The following PALD1 variants were observed in gnomAD, a reference collection of about 807,000 sequenced individuals.
The protein encoded by PALD1 is paladin.
PALD1 carries 57 observed loss-of-function variants against 96.0 expected under a neutral mutation model. The ratio of observed to expected loss-of-function variants is 0.59; its 90% CI spans 0.48 to 0.74. The LOEUF (loss-of-function observed/expected upper bound fraction) is 0.74. PALD1 is among the 30% of genes least tolerant of loss of function. The pLI, the probability that PALD1 is intolerant of heterozygous loss-of-function variation, is 0.00. For missense variants in PALD1, 1,063 were observed against 1,143.7 expected, an observed-to-expected ratio of 0.93 and a Z score of 1.02; for synonymous variants, 464 against 473.6, an observed-to-expected ratio of 0.98 and a Z score of 0.26.
intron 1 of PALD1, among the ~76,000 whole-genome samples, chr10:70,524,653 A>C (rs111654933): frequency 7.8e-4 from 119 of 152,326 alleles, no homozygotes; most frequent in African/African-American, 2.7e-3. Flanking sequence ...TTCGTGAGTT[A>C]AGGTGGGGCT....
intron 1 of PALD1, among the ~76,000 whole-genome samples, chr10:70,490,222 CCTCT>C (rs370799282): frequency 8.7e-5 from 13 of 150,070 alleles, no homozygotes; most frequent in African/African-American, 2.9e-4. Flanking sequence ...CACGCCTGGC[CCTCT>C]CTCTCTCTCT....
chr10:70,469,328 C>G, the PALD1 span, among the ~76,000 whole-genome samples: 1 of 152,260 alleles, frequency 6.6e-6, no homozygotes, highest in African/African-American at 2.4e-5. Flanking sequence ...GGGAGTCTGT[C>G]GTGTAACCCC....
chr10:70,466,866 C>T, the PALD1 span, among the ~76,000 whole-genome samples: 3 of 152,152 alleles, frequency 2.0e-5, no homozygotes, highest in Non-Finnish European at 2.9e-5. Context: ...GCCAGGGCTC[C>T]GAGAGTCCCC....
chr10:70,538,979 A>C lies in PALD1; in HGVS notation c.1540A>C (p.Ile514Leu). The C allele has an allele frequency of 1.2e-6, 2 of 1,613,780 alleles. No homozygotes were observed. Among genetic ancestry groups the C allele is most frequent in the Non-Finnish European group, 1.7e-6 (2 of 1,179,916 alleles). The stretch of plus-strand genomic sequence containing the variant: ...CTTCCGGCGGGTGCCCCGCATGCCC[A>C]TCTACGGCACGGCCCAGCCCAGCGC... ...ANFRRVPRMP[I>L]YGTAQPSAKA... is the part of the protein sequence containing the mutation. Residue 514 changes from isoleucine (I) to leucine (L), a missense_variant, in exon 13 of 20, where the codon ATC becomes CTC. Ile to Leu is a conservative substitution (Grantham distance 5, BLOSUM62 2). Coordinates refer to ENST00000263563, the MANE Select transcript of PALD1 (RefSeq NM_014431.3).
rs1314681888 is a variant in PALD1 at position 70,537,923 on chromosome 10, G to A, written c.1323+17G>A. On this transcript the variant is annotated intron_variant, in intron 11 of 19. Coordinates refer to ENST00000263563, the MANE Select transcript of PALD1 (RefSeq NM_014431.3). ...CATGAGCAGGTGGGGCCTGGGAGGA[G>A]CAGACCCACGTCCCCTCCTCCTGGG... is the stretch of plus-strand genomic sequence containing the variant. The A allele has an allele frequency of 2.6e-6, 4 of 1,527,356 alleles. No individual in the cohort carries two copies. The highest frequency in any genetic ancestry group is 2.3e-5 in the East Asian group (1 of 44,442). The allele number at this position is 1,527,356 out of a possible 1,614,324, so 94.6% of individuals were successfully genotyped here.
chr10:70,480,590 C>T (rs1232912230), intron 1 of PALD1, among the ~76,000 whole-genome samples: 1 of 152,224 alleles, frequency 6.6e-6, no homozygotes, highest in Non-Finnish European at 1.5e-5. Flanking sequence ...GGGGCCCTGC[C>T]CCCTCCCTCA....
chr10:70,566,605 G>A lies in PALD1; in HGVS notation c.2443G>A (p.Glu815Lys), dbSNP rs146249112. 1.4e-4 allele frequency: 225 copies of A among 1,611,144 alleles called. No homozygotes were observed. The highest frequency in any genetic ancestry group is 1.8e-4 in the Non-Finnish European group (216 of 1,179,000). The change falls in exon 20 of 20, where the codon GAG (glutamate) becomes AAG (lysine). Residue 815 changes from glutamate (E) to lysine (K), a missense_variant. By Grantham distance (56) the Glu-to-Lys change is moderately conservative. Coordinates refer to ENST00000263563, the MANE Select transcript of PALD1 (RefSeq NM_014431.3). ...QEVASKAGIY[E>K]ILNELGFPEL... ...GGTGGCATCGAAGGCTGGCATCTACGAGATCCTTAACGAGCTGGGCTTCCC... is the reference window on the plus strand; with the variant it reads ...GGTGGCATCGAAGGCTGGCATCTACAAGATCCTTAACGAGCTGGGCTTCCC...
At chr10:70,528,629 G>A (rs1324628470) in intron 2 of PALD1, among the ~76,000 whole-genome samples, 3 of 152,174 alleles carry the variant, frequency 2.0e-5, no homozygotes, top group Non-Finnish European at 4.4e-5. Flanking sequence ...ACCATCCAGT[G>A]ATGTTGTCTT....
chr10:70,502,096 C>T (rs1046305537), intron 1 of PALD1, among the ~76,000 whole-genome samples: 3 of 152,034 alleles, frequency 2.0e-5, no homozygotes, highest in East Asian at 1.9e-4. Flanking sequence ...GCCAGGAGTT[C>T]GAGACCAACC....
At chr10:70,480,095 T>C (rs764633171) in intron 1 of PALD1, among the ~76,000 whole-genome samples, 8 of 152,310 alleles carry the variant, frequency 5.3e-5, no homozygotes, top group Non-Finnish European at 8.8e-5. Flanking sequence ...TGTGCTGAAA[T>C]GTTCCAGCTC....
At chr10:70,488,976 G>T (rs1168917980) in intron 1 of PALD1, among the ~76,000 whole-genome samples, 1 of 151,534 alleles carries the variant, frequency 6.6e-6, no homozygotes, top group Non-Finnish European at 1.5e-5. Flanking sequence ...TCCTTCTGCC[G>T]CTTCACCAAT....
intron 1 of PALD1, among the ~76,000 whole-genome samples, chr10:70,509,450 A>G (rs577362620): frequency 1.3e-5 from 2 of 152,362 alleles, no homozygotes; most frequent in South Asian, 2.1e-4. Flanking sequence ...GGAATCTACA[A>G]CTATTGTGGG....
chr10:70,564,480 C>G lies in PALD1; in HGVS notation c.2379C>G (p.Ala793=). 1.2e-6 allele frequency: 2 copies of G among 1,614,092 alleles called. No individual in the cohort carries two copies. The highest frequency in any genetic ancestry group is 1.7e-6 in the Non-Finnish European group (2 of 1,180,018). Residue 793 remains alanine, a synonymous_variant, in exon 19 of 20, where the codon GCC becomes GCG. Coordinates refer to ENST00000263563, the MANE Select transcript of PALD1 (RefSeq NM_014431.3). The part of the protein sequence containing the change: ...LFNAYLHLEK[A]DSWQRPFSTW... ...ACGCGTACCTCCACCTGGAGAAGGC[C>G]GACTCCTGGCAGAGGCCCTTCAGCA...
chr10:70,459,021 GGA>G, the PALD1 span, among the ~76,000 whole-genome samples: 2 of 152,188 alleles, frequency 1.3e-5, no homozygotes, highest in Non-Finnish European at 2.9e-5. Flanking sequence ...CTGGGCTCAG[GGA>G]GAGAGCGGCT....
In PALD1 at chr10:70,526,113, C is replaced by T. The variant is rs931695371; in HGVS notation, c.162C>T (p.Asn54=). 7 of 1,614,032 alleles carry T rather than the reference C, an allele frequency of 4.3e-6. No homozygotes were observed. Among genetic ancestry groups the T allele is most frequent in the Non-Finnish European group, 5.9e-6 (7 of 1,179,986 alleles). ...GCAAGGCCAAGTCCATCATCCCCAACAAGGTGGCCCCTGTTGTGATCACGT... is the reference window on the plus strand; with the variant it reads ...GCAAGGCCAAGTCCATCATCCCCAATAAGGTGGCCCCTGTTGTGATCACGT... The part of the protein sequence containing the change: ...HNSKAKSIIP[N]KVAPVVITYN... The change falls in exon 2 of 20, where the codon AAC becomes AAT. Residue 54 remains asparagine, a synonymous_variant. Transcript: ENST00000263563.
intron 1 of PALD1, among the ~76,000 whole-genome samples, chr10:70,524,940 C>T (rs1279152029): frequency 6.6e-6 from 1 of 152,124 alleles, no homozygotes; most frequent in African/African-American, 2.4e-5. Context: ...CCGAGGGTGC[C>T]CGGCGTTCTT....
chr10:70,531,015 A>G (rs1846979258), intron 4 of PALD1, among the ~76,000 whole-genome samples: 1 of 152,182 alleles, frequency 6.6e-6, no homozygotes, highest in African/African-American at 2.4e-5. Flanking sequence ...GAAAAGATGC[A>G]TTCATTGATA....
At chr10:70,543,436 C>T (rs906208841) in intron 17 of PALD1, among the ~76,000 whole-genome samples, 3 of 152,106 alleles carry the variant, frequency 2.0e-5, no homozygotes, top group Non-Finnish European at 4.4e-5. Flanking sequence ...GGTGCTATAT[C>T]CAAGAAATCA....
intron 18 of PALD1, among the ~76,000 whole-genome samples, chr10:70,554,355 G>A (rs1043001479): frequency 2.6e-5 from 4 of 152,194 alleles, no homozygotes; most frequent in African/African-American, 7.2e-5. Context: ...CTTGAACCCT[G>A]GAGGCAGAGG....
Sources: gnomAD v4.1 joint callset for allele counts (sites outside exome capture counted in the v4.1 genomes callset) on GRCh38, gnomAD v4.1.1 for gene constraint, MANE v1.5 for transcripts, NCBI Gene and HGNC (gene_info 2026-07-23, HGNC 2026-07-21) for gene names.